The following NUP155 variants were observed in gnomAD, a reference collection of about 807,000 sequenced individuals.
NUP155 encodes the protein nucleoporin 155.
Under a neutral mutation model 180.4 loss-of-function variants are expected in NUP155, and 71 were observed. That is an observed-to-expected ratio of 0.39 (90% confidence interval 0.33 to 0.48). The LOEUF is 0.48. Among genes scored for constraint, NUP155 ranks in the 20% least tolerant of loss-of-function variants. NUP155 has a pLI of 0.91. For synonymous variants in NUP155, 582 were observed against 559.5 expected (o/e 1.04, Z -0.57); for missense variants, 1,553 against 1,648.9 (o/e 0.94, Z 1.01).
At chr5:37,323,248 G>A (rs571091193) in intron 20 of NUP155, among the ~76,000 whole-genome samples, 32 of 152,290 alleles carry the variant, frequency 2.1e-4, no homozygotes, top group Non-Finnish European at 3.2e-4. Flanking sequence ...TGGAGCCTTC[G>A]TACTCCAGCA....
At chr5:37,344,871 CAAAA>C (rs34103075) in intron 9 of NUP155, among the ~76,000 whole-genome samples, 1 of 75,256 alleles carries the variant, frequency 1.3e-5, no homozygotes, top group African/African-American at 5.6e-5. Flanking sequence ...GACTCCATCT[CAAAA>C]AAAAAAAAAA....
At chr5:37,327,591 A>G in intron 18 of NUP155, 38 bp downstream of exon 18, 1 of 1,610,646 alleles carries the variant, frequency 6.2e-7, no homozygotes, top group East Asian at 2.2e-5. Flanking sequence ...AAGATGGGAC[A>G]AGGTGAGCAA....
At chr5:37,337,691 CTTTAT>C in intron 12 of NUP155, 122 bp downstream of exon 12, 1 of 622,466 alleles carries the variant, frequency 1.6e-6, no homozygotes. Flanking sequence ...AATTTCTTTA[CTTTAT>C]AATTTCTAAT....
intron 3 of NUP155, among the ~76,000 whole-genome samples, chr5:37,361,433 C>A (rs1747217824): frequency 6.6e-6 from 1 of 152,022 alleles, no homozygotes; most frequent in Non-Finnish European, 1.5e-5. Context: ...AAAATATGAT[C>A]TAGACTTTCA....
chr5:37,317,912 G>A, intron 21 of NUP155, 76 bp downstream of exon 21: 1 of 838,320 alleles, frequency 1.2e-6, no homozygotes, highest in Non-Finnish European at 2.1e-6. Context: ...TACTAAGAAA[G>A]TCCATTGTTT....
intron 32 of NUP155, among the ~76,000 whole-genome samples, chr5:37,296,682 T>C (rs1742598173): frequency 7.7e-6 from 1 of 129,714 alleles, no homozygotes; most frequent in African/African-American, 4.8e-5. Context: ...CCAAGAATGA[T>C]CAATAAAAAT....
chr5:37,364,779 G>A (rs561807303), intron 1 of NUP155, among the ~76,000 whole-genome samples: 57 of 151,806 alleles, frequency 3.8e-4, no homozygotes, highest in African/African-American at 1.3e-3. Flanking sequence ...TGAGACTACA[G>A]GCGTCCGCCA....
chr5:37,317,387 C>T lies in NUP155; in HGVS notation c.2305+601G>A, dbSNP rs1365346833. ...CCTCTAATCCCAGCTACTCGGGAGGCTGAGGCAGAAGAATTTCTTGAACCC... is the reference window on the plus strand; with the variant it reads ...CCTCTAATCCCAGCTACTCGGGAGGTTGAGGCAGAAGAATTTCTTGAACCC... On this transcript the variant is annotated intron_variant, in intron 21 of 34. Transcript: ENST00000231498. Among the ~76,000 whole-genome samples the T allele has an allele frequency of 2.0e-5, 3 of 151,692 alleles. No individual in the cohort carries two copies. The East Asian group carries it at 5.9e-4, about 30-fold the overall frequency.
At chr5:37,348,887 C>G (rs1162912885) in intron 8 of NUP155, among the ~76,000 whole-genome samples, 2 of 151,916 alleles carry the variant, frequency 1.3e-5, no homozygotes, top group African/African-American at 4.8e-5. Context: ...TCCCAAGTAG[C>G]TGGGATTAAA....
chr5:37,359,428 T>C (rs1439916230), intron 3 of NUP155, among the ~76,000 whole-genome samples: 1 of 151,798 alleles, frequency 6.6e-6, no homozygotes, highest in Non-Finnish European at 1.5e-5. Context: ...CTTACAAGGA[T>C]GGAATCACAG....
intron 12 of NUP155, 75 bp from the exon 13 acceptor site, chr5:37,333,708 T>C: frequency 9.8e-7 from 1 of 1,021,488 alleles, no homozygotes; most frequent in Non-Finnish European, 1.5e-6. Context: ...ACAGACTTAA[T>C]AAAGAAGTAA....
intron 3 of NUP155, 125 bp from the exon 4 acceptor site, chr5:37,358,276 C>G (rs1746977018): frequency 1.4e-6 from 1 of 726,786 alleles, no homozygotes; most frequent in Non-Finnish European, 2.5e-6. Flanking sequence ...CCCAGAAGTT[C>G]AAGACCAGCC....
At chr5:37,304,665 C>T in intron 27 of NUP155, 74 bp downstream of exon 27, 6 of 1,067,198 alleles carry the variant, frequency 5.6e-6, no homozygotes, top group Non-Finnish European at 8.7e-6. Context: ...TTTTTTACAT[C>T]TATATATGTG....
At chr5:37,304,360 T>C (rs745397188) in intron 27 of NUP155, among the ~76,000 whole-genome samples, 23 of 152,034 alleles carry the variant, frequency 1.5e-4, no homozygotes, top group Non-Finnish European at 3.1e-4. Flanking sequence ...AAAGGCATTA[T>C]TGAAATTATC....
intron 21 of NUP155, among the ~76,000 whole-genome samples, chr5:37,316,266 A>G (rs1743879842): frequency 6.6e-6 from 1 of 152,234 alleles, no homozygotes; most frequent in African/African-American, 2.4e-5. Flanking sequence ...AAATTCTGAC[A>G]CGTTACAACA....
intron 5 of NUP155, among the ~76,000 whole-genome samples, chr5:37,352,428 C>T (rs1746525292): frequency 6.6e-6 from 1 of 152,082 alleles, no homozygotes; most frequent in Non-Finnish European, 1.5e-5. Context: ...ATCCCAGCAA[C>T]TCAAGAGACT....
chr5:37,300,644 G>T (rs971861439), intron 30 of NUP155, among the ~76,000 whole-genome samples: 1 of 151,632 alleles, frequency 6.6e-6, no homozygotes, highest in Non-Finnish European at 1.5e-5. Context: ...TAAATAAGAT[G>T]GTTTTGGTTT....
At chr5:37,340,413 C>G (rs947373996) in intron 11 of NUP155, among the ~76,000 whole-genome samples, 1 of 151,728 alleles carries the variant, frequency 6.6e-6, no homozygotes, top group African/African-American at 2.4e-5. Context: ...CTACTGCACT[C>G]CAGCCTCGGC....
chr5:37,346,424 C>T (rs951601652), intron 9 of NUP155, among the ~76,000 whole-genome samples: 2 of 152,150 alleles, frequency 1.3e-5, no homozygotes, highest in African/African-American at 2.4e-5. Flanking sequence ...GTAATCCCAG[C>T]ACTTCGGGAG....
Sources: gnomAD v4.1 joint callset for allele counts (sites outside exome capture counted in the v4.1 genomes callset) on GRCh38, gnomAD v4.1.1 for gene constraint, MANE v1.5 for transcripts, NCBI Gene and HGNC (gene_info 2026-07-23, HGNC 2026-07-21) for gene names.